Variants in PVT1 observed in about 807,000 individuals in gnomAD.
PVT1 encodes CXCR4/PVT1 fusion.
intron 3 of PVT1, among the ~76,000 whole-genome samples, chr8:127,945,123 C>A (rs1330905405): frequency 1.3e-5 from 2 of 152,136 alleles, no homozygotes. Flanking sequence ...TGAACAGTGG[C>A]CGAGTGTTTT....
At chr8:128,001,338 G>C (rs929337486) in intron 4 of PVT1, among the ~76,000 whole-genome samples, 1 of 152,190 alleles carries the variant, frequency 6.6e-6, no homozygotes, top group Admixed American at 6.5e-5. Flanking sequence ...GTCTGCAAGG[G>C]TGTGTGACCA....
chr8:127,973,213 C>G (rs1167258172), intron 3 of PVT1, among the ~76,000 whole-genome samples: 1 of 152,126 alleles, frequency 6.6e-6, no homozygotes, highest in Non-Finnish European at 1.5e-5. Flanking sequence ...TGCATTTAGT[C>G]ATTTACCTGT....
chr8:128,089,882 G>T (rs2648898), intron 5 of PVT1, among the ~76,000 whole-genome samples: 10 of 152,024 alleles, frequency 6.6e-5, no homozygotes, highest in Non-Finnish European at 1.3e-4. Context: ...ATGTGAGTTC[G>T]CTAGGGCCTC....
chr8:128,067,943 CAT>C (rs1169645838), intron 4 of PVT1, among the ~76,000 whole-genome samples: 2 of 127,522 alleles, frequency 1.6e-5, no homozygotes, highest in South Asian at 3.1e-4. Flanking sequence ...CTTGGACTAA[CAT>C]ACTTTGTGTT....
At chr8:127,867,006 A>T (rs1481525825) in intron 2 of PVT1, among the ~76,000 whole-genome samples, 1 of 152,218 alleles carries the variant, frequency 6.6e-6, no homozygotes, top group South Asian at 2.1e-4. Flanking sequence ...TTGAAACCCA[A>T]GTCATCAGCT....
rs1817086691 is a variant in PVT1 at position 127,994,823 on chromosome 8, A to T, written n.912+5532A>T. Among the ~76,000 whole-genome samples, 5 of 152,364 alleles carry T rather than the reference A, an allele frequency of 3.3e-5. No individual in the cohort carries two copies. In the East Asian group the frequency reaches 9.6e-4, roughly 29 times the overall value. ...AAGGGCAGGAGAAGATCGATGTCCC[A>T]GAACAAGCAATCAGGCAGAGATGAA... is the stretch of plus-strand genomic sequence containing the variant. On this transcript the variant is annotated intron_variant and non_coding_transcript_variant, in intron 4 of 10. Transcript: ENST00000651587.
At chr8:127,952,823 G>GGC (rs1229723541) in intron 3 of PVT1, among the ~76,000 whole-genome samples, 1 of 151,292 alleles carries the variant, frequency 6.6e-6, no homozygotes, top group Non-Finnish European at 1.5e-5. Flanking sequence ...GGAGTGCAAA[G>GGC]GCGCGATCTC....
chr8:128,045,614 C>T (rs1228187414), intron 4 of PVT1, among the ~76,000 whole-genome samples: 2 of 152,308 alleles, frequency 1.3e-5, no homozygotes, highest in East Asian at 1.9e-4. Context: ...TCTACCCTTA[C>T]CTGCTTCCAG....
intron 2 of PVT1, among the ~76,000 whole-genome samples, chr8:127,825,339 CA>C (rs1814775830): frequency 6.6e-6 from 1 of 152,168 alleles, no homozygotes; most frequent in Admixed American, 6.5e-5. Context: ...CACCAAGTTA[CA>C]GTCACAAAAT....
chr8:127,827,143 G>A (rs1195787626), intron 2 of PVT1, among the ~76,000 whole-genome samples: 2 of 152,018 alleles, frequency 1.3e-5, no homozygotes, highest in East Asian at 3.9e-4. Context: ...TTATAGGCAT[G>A]TGCCACCATG....
chr8:128,028,311 G>A lies in PVT1; in HGVS notation n.912+39020G>A, dbSNP rs539536029. On this transcript the variant is annotated intron_variant and non_coding_transcript_variant, in intron 4 of 10. Coordinates refer to ENST00000651587, the Ensembl canonical transcript of PVT1. ...CACATGGGGACAGAAATGCCTGGAC[G>A]TTCTCCTCGGCTGGCATGGGTATTG... Among the ~76,000 whole-genome samples, 59 of 152,368 alleles carry A rather than the reference G, an allele frequency of 3.9e-4. No individual in the cohort carries two copies. The Middle Eastern group carries it at 0.01, about 26-fold the overall frequency.
intron 2 of PVT1, among the ~76,000 whole-genome samples, chr8:127,872,932 G>C (rs985156847): frequency 6.6e-6 from 1 of 152,202 alleles, no homozygotes; most frequent in Non-Finnish European, 1.5e-5. Flanking sequence ...ATACATTAAA[G>C]CAAAGTGACG....
intron 3 of PVT1, among the ~76,000 whole-genome samples, chr8:127,902,108 G>T (rs1423966275): frequency 6.6e-6 from 1 of 152,186 alleles, no homozygotes; most frequent in Non-Finnish European, 1.5e-5. Flanking sequence ...CCTCCACTGA[G>T]GAGTAACCTC....
At chr8:127,970,133 A>G (rs1477533923) in intron 3 of PVT1, among the ~76,000 whole-genome samples, 4 of 151,880 alleles carry the variant, frequency 2.6e-5, no homozygotes, top group African/African-American at 9.7e-5. Context: ...ATGAGCAGGA[A>G]TTGTGCATCC....
At chr8:127,999,867 C>T (rs1260238607) in intron 4 of PVT1, among the ~76,000 whole-genome samples, 2 of 152,204 alleles carry the variant, frequency 1.3e-5, no homozygotes, top group African/African-American at 4.8e-5. Flanking sequence ...GAGGAGTGGG[C>T]TGAGAACATT....
intron 4 of PVT1, among the ~76,000 whole-genome samples, chr8:128,047,944 TGAAGC>T: frequency 6.6e-6 from 1 of 152,198 alleles, no homozygotes; most frequent in Non-Finnish European, 1.5e-5. Flanking sequence ...GGAACAATCT[TGAAGC>T]TATATTAACT....
At chr8:127,837,398 T>G (rs74814915) in intron 2 of PVT1, among the ~76,000 whole-genome samples, 360 of 113,610 alleles carry the variant, frequency 3.2e-3, no homozygotes, top group Non-Finnish European at 5.2e-3. Context: ...TGTTGTTGTT[T>G]TTTTTTTTTT....
At chr8:127,937,725 T>C (rs1423029638) in intron 3 of PVT1, among the ~76,000 whole-genome samples, 2 of 152,170 alleles carry the variant, frequency 1.3e-5, no homozygotes, top group African/African-American at 4.8e-5. Context: ...TTATGCTTTC[T>C]TCCTTCTGAA....
At chr8:128,084,647 A>G (rs958330289) in intron 5 of PVT1, among the ~76,000 whole-genome samples, 2 of 152,244 alleles carry the variant, frequency 1.3e-5, no homozygotes, top group African/African-American at 4.8e-5. Flanking sequence ...TTGTTAAACT[A>G]CAAAGAGCCA....
Sources: gnomAD v4.1 joint callset for allele counts (sites outside exome capture counted in the v4.1 genomes callset) on GRCh38, gnomAD v4.1.1 for gene constraint, MANE v1.5 for transcripts, NCBI Gene and HGNC (gene_info 2026-07-23, HGNC 2026-07-21) for gene names.